Variants in GRIN3A observed in about 807,000 individuals in gnomAD.
GRIN3A encodes the protein glutamate ionotropic receptor NMDA type subunit 3A.
In GRIN3A, 47 loss-of-function variants were observed where a neutral mutation model predicts 92.4. That is an observed-to-expected ratio of 0.51 (90% confidence interval 0.40 to 0.65). GRIN3A has a LOEUF of 0.65. Ranked by LOEUF, GRIN3A falls within the 30% of genes least tolerant of loss-of-function variation. The pLI is 0.00. For missense variants in GRIN3A, 1,324 were observed against 1,393.1 expected, an observed-to-expected ratio of 0.95 and a Z score of 0.79; for synonymous variants, 527 against 540.6, an observed-to-expected ratio of 0.97 and a Z score of 0.35.
At position 101,670,910 on chromosome 9, in the gene GRIN3A, T is replaced by G; in HGVS notation, c.1502A>C (p.Gln501Pro). Residue 501 changes from glutamine to proline, a missense_variant, in exon 3 of 9, where the codon CAG (glutamine) becomes CCG (proline). Gln to Pro is a moderately conservative substitution (Grantham distance 76). Transcript: ENST00000361820. Reference protein sequence around the residue: ...MDYGIWPEQAQRHKTHFQHPS... With the variant: ...MDYGIWPEQAPRHKTHFQHPS... Reference sequence around the variant, plus strand: ...ATGTTGGAAGTGGGTTTTGTGTCTCTGGGCCTGCTCTGGCCATATTCCATA... The same window carrying G: ...ATGTTGGAAGTGGGTTTTGTGTCTCGGGGCCTGCTCTGGCCATATTCCATA... 1 of 1,612,868 alleles carries G rather than the reference T, an allele frequency of 6.2e-7. No individual in the cohort carries two copies.
intron 6 of GRIN3A, among the ~76,000 whole-genome samples, chr9:101,580,129 T>C (rs1827870439): frequency 6.6e-6 from 1 of 152,198 alleles, no homozygotes; most frequent in Non-Finnish European, 1.5e-5. Context: ...ACTCCTCCTA[T>C]AGCTTACTCA....
In GRIN3A at chr9:101,687,039, G is replaced by A; in HGVS notation, c.861C>T (p.Ser287=). Residue 287 remains serine (S), a synonymous_variant, in exon 2 of 9, where the codon TCC becomes TCT. Coordinates refer to ENST00000361820, the MANE Select transcript of GRIN3A (RefSeq NM_133445.3). ...TGATGATAGAACCAAGGTGGAACTT[G>A]GAATTATTCTGGGTAAGGAGGAGGA... ...TDFLLLTQNN[S]KFHLGSIINI... 1.2e-6 allele frequency: 2 copies of A among 1,614,100 alleles called. No homozygotes were observed. The highest frequency in any genetic ancestry group is 2.2e-5 in the South Asian group (2 of 91,068).
intron 1 of GRIN3A, among the ~76,000 whole-genome samples, chr9:101,726,539 C>A (rs1407075323): frequency 1.3e-5 from 2 of 152,250 alleles, no homozygotes; most frequent in South Asian, 4.1e-4. Context: ...GTGGGAGTTT[C>A]TCTTCCTTTG....
At chr9:101,647,418 C>G (rs1393310599) in intron 3 of GRIN3A, among the ~76,000 whole-genome samples, 1 of 151,720 alleles carries the variant, frequency 6.6e-6, no homozygotes, top group Non-Finnish European at 1.5e-5. Context: ...AGGATTTTTG[C>G]AACTAGATTC....
intron 5 of GRIN3A, among the ~76,000 whole-genome samples, chr9:101,614,280 G>A (rs148839503): frequency 4.6e-4 from 70 of 152,110 alleles, no homozygotes; most frequent in East Asian, 4.5e-3. Flanking sequence ...AAAGATCTCC[G>A]CCACAAGCAT....
At chr9:101,607,280 C>A (rs1157863581) in intron 6 of GRIN3A, among the ~76,000 whole-genome samples, 1 of 151,892 alleles carries the variant, frequency 6.6e-6, no homozygotes, top group African/African-American at 2.4e-5. Flanking sequence ...TGTCCAACTG[C>A]TAGAAATGGG....
chr9:101,698,427 C>A (rs1320111973), intron 1 of GRIN3A, among the ~76,000 whole-genome samples: 1 of 152,104 alleles, frequency 6.6e-6, no homozygotes, highest in Non-Finnish European at 1.5e-5. Flanking sequence ...TTATTACAGT[C>A]GTGCGTCACT....
chr9:101,588,971 A>AT (rs147620824), intron 6 of GRIN3A, among the ~76,000 whole-genome samples: 22,408 of 150,966 alleles, frequency 0.15, 2,068 homozygotes, highest in Non-Finnish European at 0.21. Flanking sequence ...TGTGTATAGT[A>AT]TTTTTTTTTC....
intron 6 of GRIN3A, among the ~76,000 whole-genome samples, chr9:101,602,591 T>C (rs1026564649): frequency 3.3e-5 from 5 of 152,204 alleles, no homozygotes; most frequent in African/African-American, 1.2e-4. Flanking sequence ...ATTTCATAAA[T>C]ATTCATGAGT....
At chr9:101,717,325 G>A (rs767321123) in intron 1 of GRIN3A, among the ~76,000 whole-genome samples, 4 of 152,092 alleles carry the variant, frequency 2.6e-5, no homozygotes, top group Non-Finnish European at 5.9e-5. Context: ...AAAAACAAAT[G>A]ATACTCAGAT....
rs917792549 is a variant in GRIN3A at position 101,738,278 on chromosome 9, T to C, written c.-299A>G. ...ACCCGCAGCTGGAGCGCCCGTTCCCTGCCCGCCCCATCTGCAGGGCGCCTC... is the reference window on the plus strand; with the variant it reads ...ACCCGCAGCTGGAGCGCCCGTTCCCCGCCCGCCCCATCTGCAGGGCGCCTC... On this transcript the variant is annotated 5_prime_UTR_variant, in exon 1 of 9. Transcript: ENST00000361820. The C allele has an allele frequency of 2.3e-6, 1 of 428,306 alleles. No homozygotes were observed. Among genetic ancestry groups the C allele is most frequent in the African/African-American group, 2.1e-5 (1 of 46,732 alleles). 26.5% of individuals were successfully genotyped at this position (428,306 alleles called of 1,614,324 possible). A position where few individuals can be genotyped will look rare whatever the true frequency, so the allele number is the denominator to read the frequency against.
At chr9:101,609,122 A>AT (rs1401392258) in intron 6 of GRIN3A, among the ~76,000 whole-genome samples, 4 of 152,210 alleles carry the variant, frequency 2.6e-5, no homozygotes, top group Non-Finnish European at 5.9e-5. Flanking sequence ...AGGCTGTGCA[A>AT]TTGCCAATGC....
At chr9:101,597,642 G>T (rs1427845160) in intron 6 of GRIN3A, among the ~76,000 whole-genome samples, 1 of 152,036 alleles carries the variant, frequency 6.6e-6, no homozygotes, top group Non-Finnish European at 1.5e-5. Flanking sequence ...ACAAACTGTG[G>T]GTTACAACAC....
intron 3 of GRIN3A, among the ~76,000 whole-genome samples, chr9:101,652,376 G>A (rs955069618): frequency 6.6e-6 from 1 of 151,944 alleles, no homozygotes; most frequent in Non-Finnish European, 1.5e-5. Flanking sequence ...GTTCTCATGT[G>A]GTGGTTTCCA....
At chr9:101,619,584 C>T (rs903550750) in intron 5 of GRIN3A, among the ~76,000 whole-genome samples, 1 of 152,112 alleles carries the variant, frequency 6.6e-6, no homozygotes, top group Non-Finnish European at 1.5e-5. Flanking sequence ...AGGTGAGGAA[C>T]CTGAAGAGTA....
chr9:101,654,470 A>T (rs76497586), intron 3 of GRIN3A, among the ~76,000 whole-genome samples: 1 of 151,626 alleles, frequency 6.6e-6, no homozygotes, highest in Non-Finnish European at 1.5e-5. Context: ...ATTTACATAC[A>T]TATTTCTTGT....
At chr9:101,595,929 G>T (rs1432894287) in intron 6 of GRIN3A, among the ~76,000 whole-genome samples, 2 of 152,136 alleles carry the variant, frequency 1.3e-5, no homozygotes, top group African/African-American at 4.8e-5. Flanking sequence ...TTCTCCTTTT[G>T]TTTCAACTAG....
intron 1 of GRIN3A, among the ~76,000 whole-genome samples, chr9:101,706,001 A>C (rs1829812768): frequency 6.6e-6 from 1 of 152,196 alleles, no homozygotes; most frequent in South Asian, 2.1e-4. Flanking sequence ...GTTAAAAAAA[A>C]CGAGAAGCAA....
chr9:101,590,819 A>G (rs747729749), intron 6 of GRIN3A, among the ~76,000 whole-genome samples: 1 of 152,222 alleles, frequency 6.6e-6, no homozygotes, highest in Non-Finnish European at 1.5e-5. Context: ...TGGAATTTAT[A>G]CTTTTTTTAA....
Sources: gnomAD v4.1 joint callset for allele counts (sites outside exome capture counted in the v4.1 genomes callset) on GRCh38, gnomAD v4.1.1 for gene constraint, MANE v1.5 for transcripts, NCBI Gene and HGNC (gene_info 2026-07-23, HGNC 2026-07-21) for gene names.